Variants in SNTG1 observed in about 807,000 individuals in gnomAD.
SNTG1 encodes syntrophin gamma 1.
In SNTG1, 39 loss-of-function variants were observed where a neutral mutation model predicts 74.7. The observed-to-expected ratio is 0.52, with a 90% CI of 0.40 to 0.68. The LOEUF (loss-of-function observed/expected upper bound fraction) is 0.68. Ranked by LOEUF, SNTG1 falls within the 30% of genes least tolerant of loss-of-function variation. SNTG1 has a pLI of 0.00. For synonymous variants in SNTG1, 254 were observed against 217.1 expected (o/e 1.17, Z -1.49); for missense variants, 685 against 609.5 (o/e 1.12, Z -1.30).
At chr8:50,656,517 CT>C (rs2095182301) in intron 13 of SNTG1, among the ~76,000 whole-genome samples, 2 of 152,120 alleles carry the variant, frequency 1.3e-5, no homozygotes, top group South Asian at 4.1e-4. Flanking sequence ...CTTCAACATT[CT>C]GTATTAAAGC....
intron 2 of SNTG1, among the ~76,000 whole-genome samples, chr8:50,333,702 A>G (rs919770065): frequency 3.3e-5 from 5 of 152,230 alleles, no homozygotes; most frequent in African/African-American, 9.6e-5. Context: ...TCAGAGAAAT[A>G]CAGAACCAAA....
At chr8:50,077,721 C>G (rs1477706142) in intron 1 of SNTG1, among the ~76,000 whole-genome samples, 1 of 152,094 alleles carries the variant, frequency 6.6e-6, no homozygotes, top group Non-Finnish European at 1.5e-5. Context: ...TGCTTGTACC[C>G]CTTTGGAGAC....
chr8:49,968,219 C>T (rs1199059652), intron 1 of SNTG1, among the ~76,000 whole-genome samples: 1 of 152,142 alleles, frequency 6.6e-6, no homozygotes, highest in Non-Finnish European at 1.5e-5. Flanking sequence ...TGCCCACATC[C>T]TTCATTGAAT....
Position 50,147,229 on chromosome 8 carries a change from A to C in SNTG1, c.-102-25332A>C, listed in dbSNP as rs559040209. ...GAAAACAGGTCATTTAAGAAAAATC[A>C]ACCAGGACATCAGGGAATGTCAGAA... On this transcript the variant is annotated intron_variant, in intron 1 of 18. Coordinates refer to ENST00000642720, the MANE Select transcript of SNTG1 (RefSeq NM_018967.5). 5.3e-5 allele frequency among the ~76,000 whole-genome samples: 8 copies of C among 152,328 alleles called. No individual in the cohort carries two copies. In the East Asian group the frequency reaches 1.5e-3, roughly 29 times the overall value.
At chr8:50,226,659 G>A (rs1411156985) in intron 2 of SNTG1, among the ~76,000 whole-genome samples, 2 of 140,240 alleles carry the variant, frequency 1.4e-5, no homozygotes, top group African/African-American at 5.7e-5. Flanking sequence ...CCTATAATCT[G>A]GAAGCCCCCC....
At chr8:50,484,169 C>A (rs200931788) in intron 8 of SNTG1, among the ~76,000 whole-genome samples, 11 of 86,066 alleles carry the variant, frequency 1.3e-4, no homozygotes, top group African/African-American at 3.5e-4. Flanking sequence ...TCCTTCCTTC[C>A]TTCCTTCCTT....
chr8:50,190,589 CT>C (rs2083536327), intron 2 of SNTG1, among the ~76,000 whole-genome samples: 1 of 152,148 alleles, frequency 6.6e-6, no homozygotes, highest in South Asian at 2.1e-4. Context: ...TTCTTTTCTA[CT>C]TGAATACCTG....
chr8:50,080,109 C>G (rs1480610364), intron 1 of SNTG1, among the ~76,000 whole-genome samples: 1 of 152,168 alleles, frequency 6.6e-6, no homozygotes, highest in East Asian at 1.9e-4. Flanking sequence ...TGATCTTTAA[C>G]TTGTGACTTT....
chr8:50,363,997 G>T (rs1350760405), intron 2 of SNTG1, among the ~76,000 whole-genome samples: 1 of 152,124 alleles, frequency 6.6e-6, no homozygotes, highest in Non-Finnish European at 1.5e-5. Context: ...TTCATGCCCT[G>T]CCCATATGCA....
At chr8:50,383,453 CAT>C (rs2092523612) in intron 2 of SNTG1, among the ~76,000 whole-genome samples, 1 of 152,140 alleles carries the variant, frequency 6.6e-6, no homozygotes, top group Non-Finnish European at 1.5e-5. Context: ...TGTATACACA[CAT>C]ATATATGTTT....
At chr8:50,397,639 T>C (rs185713921) in intron 3 of SNTG1, among the ~76,000 whole-genome samples, 6 of 152,334 alleles carry the variant, frequency 3.9e-5, no homozygotes, top group Admixed American at 2.6e-4. Context: ...TTCAAGATTA[T>C]GTTGTTCTTT....
intron 2 of SNTG1, among the ~76,000 whole-genome samples, chr8:50,297,582 C>A (rs1347437329): frequency 6.6e-6 from 1 of 152,102 alleles, no homozygotes; most frequent in Non-Finnish European, 1.5e-5. Flanking sequence ...CTTCAACAGT[C>A]CAGATGGCCC....
chr8:50,472,941 C>G (rs2093664997), intron 8 of SNTG1, among the ~76,000 whole-genome samples: 1 of 152,186 alleles, frequency 6.6e-6, no homozygotes, highest in African/African-American at 2.4e-5. Flanking sequence ...GCTCAACACA[C>G]TAATCGTTAG....
chr8:50,004,985 C>G (rs771535046), intron 1 of SNTG1, among the ~76,000 whole-genome samples: 29 of 152,094 alleles, frequency 1.9e-4, no homozygotes, highest in Non-Finnish European at 3.7e-4. Flanking sequence ...TTAGTTAAAC[C>G]AATAAATGGC....
chr8:50,306,629 T>G (rs1278586644), intron 2 of SNTG1, among the ~76,000 whole-genome samples: 2 of 152,116 alleles, frequency 1.3e-5, no homozygotes, highest in African/African-American at 4.8e-5. Context: ...GGTTTTAATT[T>G]GCATTTCCCT....
At chr8:50,263,879 G>A (rs868842957) in intron 2 of SNTG1, among the ~76,000 whole-genome samples, 2 of 152,032 alleles carry the variant, frequency 1.3e-5, no homozygotes, top group Non-Finnish European at 2.9e-5. Context: ...CAGTGATTGC[G>A]GCATACACAT....
At chr8:50,471,241 AT>A (rs947902907) in intron 8 of SNTG1, among the ~76,000 whole-genome samples, 6 of 83,320 alleles carry the variant, frequency 7.2e-5, no homozygotes, top group African/African-American at 2.6e-4. Flanking sequence ...TAAAAATCAT[AT>A]AATTTTTTTT....
In SNTG1 at chr8:50,217,554, G is replaced by C. The variant is rs190101921; in HGVS notation, c.-28+44919G>C. On this transcript the variant is annotated intron_variant, in intron 2 of 18. Coordinates refer to ENST00000642720, the MANE Select transcript of SNTG1 (RefSeq NM_018967.5). ...ATAGCAGATTTAATAGAAAAAAGTC[G>C]AGTGGGTGCACACAAGGCCAAATCT... 1.8e-3 allele frequency among the ~76,000 whole-genome samples: 278 copies of C among 152,102 alleles called. 2 individuals carry two copies. Among genetic ancestry groups the C allele is most frequent in the African/African-American group, 6.3e-3 (261 of 41,518 alleles).
intron 8 of SNTG1, among the ~76,000 whole-genome samples, chr8:50,460,075 G>A (rs1390107495): frequency 6.6e-6 from 1 of 152,058 alleles, no homozygotes; most frequent in African/African-American, 2.4e-5. Context: ...AAATTTTTTG[G>A]GAAACCTATA....
Sources: gnomAD v4.1 joint callset for allele counts (sites outside exome capture counted in the v4.1 genomes callset) on GRCh38, gnomAD v4.1.1 for gene constraint, MANE v1.5 for transcripts, NCBI Gene and HGNC (gene_info 2026-07-23, HGNC 2026-07-21) for gene names.